The following COP1 variants were observed in gnomAD, a reference collection of about 807,000 sequenced individuals.
The protein encoded by COP1 is E3 ubiquitin-protein ligase COP1.
In COP1, 24 loss-of-function variants were observed where a neutral mutation model predicts 101.3. The ratio of observed to expected loss-of-function variants is 0.24; its 90% CI spans 0.17 to 0.33. The LOEUF is 0.33. Among genes scored for constraint, COP1 ranks in the 10% least tolerant of loss-of-function variants. The pLI, the probability that COP1 is intolerant of heterozygous loss-of-function variation, is 1.00. For missense variants in COP1, 663 were observed against 906.2 expected (o/e 0.73, Z 3.45); for synonymous variants, 347 against 341.9 (o/e 1.01, Z -0.17).
At chr1:176,139,973 A>C (rs1473059941) in intron 6 of COP1, among the ~76,000 whole-genome samples, 1 of 152,222 alleles carries the variant, frequency 6.6e-6, no homozygotes, top group East Asian at 1.9e-4. Context: ...TTTAAAAAGA[A>C]AGTAAATATC....
chr1:176,184,555 C>A (rs940653685), intron 2 of COP1, 78 bp downstream of exon 2: 11 of 1,210,770 alleles, frequency 9.1e-6, no homozygotes, highest in African/African-American at 3.1e-5. Context: ...GTTTAAAACA[C>A]GTAACTTCTC....
At chr1:175,980,703 T>G (rs969322922) in intron 18 of COP1, among the ~76,000 whole-genome samples, 32 of 152,012 alleles carry the variant, frequency 2.1e-4, no homozygotes, top group Admixed American at 2.1e-3. Context: ...TGCCTGAGGA[T>G]AGAGTGTACT....
intron 8 of COP1, among the ~76,000 whole-genome samples, chr1:176,132,537 G>A (rs896841206): frequency 2.0e-5 from 3 of 149,358 alleles, no homozygotes; most frequent in Non-Finnish European, 4.5e-5. Flanking sequence ...ACACATATAT[G>A]AATATATACA....
Position 176,204,112 on chromosome 1 carries a change from C to G in COP1, c.407+2460G>C, listed in dbSNP as rs1439859163. Among the ~76,000 whole-genome samples, 3 of 152,174 alleles carry G rather than the reference C, an allele frequency of 2.0e-5. No homozygotes were observed. In the East Asian group the frequency reaches 5.8e-4, roughly 29 times the overall value. On this transcript the variant is annotated intron_variant, in intron 1 of 19. Transcript: ENST00000367669. The stretch of plus-strand genomic sequence containing the variant: ...CTCGAACTTACAGATCTGAAACTCT[C>G]TAATTGCACACAAAGAAAACACAAA...
chr1:175,950,628 G>C (rs991600678), intron 18 of COP1, among the ~76,000 whole-genome samples: 1 of 152,142 alleles, frequency 6.6e-6, no homozygotes, highest in Admixed American at 6.5e-5. Flanking sequence ...ATAAAAGTGT[G>C]AGTCAGTAAT....
At chr1:175,959,720 T>C (rs1651100020) in intron 18 of COP1, among the ~76,000 whole-genome samples, 1 of 152,118 alleles carries the variant, frequency 6.6e-6, no homozygotes, top group Non-Finnish European at 1.5e-5. Context: ...AATATACACA[T>C]GTGGTAAAAA....
intron 3 of COP1, among the ~76,000 whole-genome samples, chr1:176,166,112 C>G (rs553163513): frequency 9.2e-5 from 14 of 152,078 alleles, no homozygotes; most frequent in African/African-American, 3.4e-4. Context: ...AAAGATCAAG[C>G]CTGTATTTAT....
chr1:176,195,723 T>C (rs1047039283), intron 1 of COP1, among the ~76,000 whole-genome samples: 1 of 152,256 alleles, frequency 6.6e-6, no homozygotes, highest in African/African-American at 2.4e-5. Context: ...AATGAAATCA[T>C]GTCCTTTGTA....
chr1:176,081,516 T>C (rs933907680), intron 10 of COP1, among the ~76,000 whole-genome samples: 1 of 152,018 alleles, frequency 6.6e-6, no homozygotes, highest in Non-Finnish European at 1.5e-5. Context: ...TTCTCACTTT[T>C]TTGGCAATAA....
intron 15 of COP1, among the ~76,000 whole-genome samples, chr1:176,027,202 AGTTT>A (rs1667818979): frequency 6.6e-6 from 1 of 152,196 alleles, no homozygotes; most frequent in Admixed American, 6.5e-5. Context: ...TTGAAAGAAT[AGTTT>A]GCCTTAAAAA....
chr1:176,206,850 C>G lies in COP1; in HGVS notation c.129G>C (p.Ser43=). The change falls in exon 1 of 20, where the codon TCG becomes TCC. Residue 43 remains serine, a synonymous_variant. Transcript: ENST00000367669. ...SSPSPPSVAV[S]AAALVSGGVA... is the part of the protein sequence containing the mutation. ...CCCCGCCGGACACCAGCGCTGCCGC[C>G]GAAACCGCCACGGAAGGCGGCGACG... is the stretch of plus-strand genomic sequence containing the variant. 2 of 1,432,628 alleles carry G rather than the reference C, an allele frequency of 1.4e-6. No homozygotes were observed. Among genetic ancestry groups the G allele is most frequent in the Non-Finnish European group, 1.8e-6 (2 of 1,098,636 alleles). The allele number at this position is 1,432,628 out of a possible 1,614,324, so 88.7% of individuals were successfully genotyped here.
At chr1:175,955,775 C>CACACACACAA (rs1417051744) in intron 18 of COP1, among the ~76,000 whole-genome samples, 5 of 149,406 alleles carry the variant, frequency 3.3e-5, no homozygotes, top group Admixed American at 1.3e-4. Flanking sequence ...ACCACACACA[C>CACACACACAA]ACACACACAC....
chr1:175,999,282 C>T (rs1201475574), intron 15 of COP1, among the ~76,000 whole-genome samples: 1 of 151,934 alleles, frequency 6.6e-6, no homozygotes, highest in Non-Finnish European at 1.5e-5. Context: ...CTCTGGTAAC[C>T]ATCCTTCTAC....
intron 11 of COP1, among the ~76,000 whole-genome samples, chr1:176,074,015 C>T (rs1218264286): frequency 6.6e-6 from 1 of 152,140 alleles, no homozygotes; most frequent in Non-Finnish European, 1.5e-5. Context: ...CAACCTCTGC[C>T]CCTTAGGTTC....
At chr1:175,972,483 T>TTTTTTTA (rs1553281799) in intron 18 of COP1, among the ~76,000 whole-genome samples, 149 of 150,086 alleles carry the variant, frequency 9.9e-4, no homozygotes, top group African/African-American at 3.5e-3. Flanking sequence ...TTTTTTTTTT[T>TTTTTTTA]GAGACAGAGT....
At chr1:176,081,370 T>C in intron 10 of COP1, 83 bp from the exon 11 acceptor site, 1 of 1,096,666 alleles carries the variant, frequency 9.1e-7, no homozygotes, top group Non-Finnish European at 1.3e-6. Context: ...CAAATTAAAA[T>C]TTATATTCTA....
chr1:175,958,529 T>G (rs1650956133), intron 18 of COP1, among the ~76,000 whole-genome samples: 1 of 152,006 alleles, frequency 6.6e-6, no homozygotes, highest in Admixed American at 6.6e-5. Flanking sequence ...TTTACTATGA[T>G]AAGCATTTCC....
At chr1:176,165,110 C>T (rs771154542) in intron 3 of COP1, among the ~76,000 whole-genome samples, 84 of 152,080 alleles carry the variant, frequency 5.5e-4, no homozygotes, top group Non-Finnish European at 1.6e-4. Context: ...AAGACACAAT[C>T]CAAGGTCTCA....
intron 18 of COP1, among the ~76,000 whole-genome samples, chr1:175,962,783 C>G (rs936364675): frequency 1.3e-5 from 2 of 152,040 alleles, no homozygotes; most frequent in African/African-American, 4.8e-5. Context: ...CACCTAGAGT[C>G]ATCTCCTTTA....
Sources: gnomAD v4.1 joint callset for allele counts (sites outside exome capture counted in the v4.1 genomes callset) on GRCh38, gnomAD v4.1.1 for gene constraint, MANE v1.5 for transcripts, NCBI Gene and HGNC (gene_info 2026-07-23, HGNC 2026-07-21) for gene names.